The following ANK3 variants were observed in gnomAD, a reference collection of about 807,000 sequenced individuals.
The protein encoded by ANK3 is ankyrin-3.
A neutral mutation model predicts 370.9 loss-of-function variants in ANK3; 57 were observed. That is an observed-to-expected ratio of 0.15 (90% confidence interval 0.12 to 0.19). The LOEUF is 0.19. ANK3 is among the 10% of genes least tolerant of loss of function. ANK3 has a pLI of 1.00. For missense variants in ANK3, 4,439 were observed against 5,302.1 expected (o/e 0.84, Z 5.06); for synonymous variants, 1,929 against 1,946.3 (o/e 0.99, Z 0.23).
In ANK3 at chr10:60,621,108, T is replaced by C. The variant is rs575188439; in HGVS notation, c.58-5884A>G. Among the ~76,000 whole-genome samples, 9 of 152,288 alleles carry C rather than the reference T, an allele frequency of 5.9e-5. No homozygotes were observed. In the South Asian group the frequency reaches 1.9e-3, roughly 32 times the overall value. Reference sequence around the variant, plus strand: ...TCTGCTCTACTGAAATAACACTGGTTAAATTAGAGAAAAGCAATTCGGTCA... The same window carrying C: ...TCTGCTCTACTGAAATAACACTGGTCAAATTAGAGAAAAGCAATTCGGTCA... On this transcript the variant is annotated intron_variant, in intron 1 of 43. Transcript: ENST00000373827.
intron 2 of ANK3, among the ~76,000 whole-genome samples, chr10:60,568,821 T>C (rs969125657): frequency 2.6e-5 from 4 of 151,978 alleles, no homozygotes; most frequent in Non-Finnish European, 5.9e-5. Flanking sequence ...AAGGATGAGG[T>C]CCTAATATGA....
chr10:60,718,439 G>A (rs975262), intron 1 of ANK3, among the ~76,000 whole-genome samples: 44,802 of 151,886 alleles, frequency 0.29, 7,129 homozygotes, highest in South Asian at 0.48. Flanking sequence ...ATTTGAAATG[G>A]GAGGAGTCAA....
At chr10:60,037,397 A>T (rs1346636963) in intron 43 of ANK3, among the ~76,000 whole-genome samples, 1 of 152,070 alleles carries the variant, frequency 6.6e-6, no homozygotes, top group Non-Finnish European at 1.5e-5. Context: ...TTATTTTGCC[A>T]CCCAGGTACT....
chr10:60,375,019 A>G (rs1326148864), intron 1 of ANK3, among the ~76,000 whole-genome samples: 2 of 152,194 alleles, frequency 1.3e-5, no homozygotes, highest in Non-Finnish European at 2.9e-5. Flanking sequence ...AAGGGAGGAA[A>G]GAAGAAGTGA....
Position 60,410,953 on chromosome 10 carries a change from C to T in ANK3, c.97-131314G>A, listed in dbSNP as rs150968846. ...CTTCCCAAAGTGCTGGAATTACAGG[C>T]GTAAGCCACTGTACCTGGCCTCTCC... On this transcript the variant is annotated intron_variant, in intron 2 of 43. Transcript: ENST00000373827. 3.9e-3 allele frequency among the ~76,000 whole-genome samples: 594 copies of T among 152,176 alleles called. 7 individuals carry two copies. Among genetic ancestry groups the T allele is most frequent in the African/African-American group, 0.013 (547 of 41,512 alleles).
intron 1 of ANK3, among the ~76,000 whole-genome samples, chr10:60,368,847 T>C (rs1244663677): frequency 6.6e-6 from 1 of 152,194 alleles, no homozygotes; most frequent in Non-Finnish European, 1.5e-5. Context: ...CTTTTTGACA[T>C]GTCAGTCTGA....
chr10:60,132,478 C>G (rs1180078287), intron 25 of ANK3, among the ~76,000 whole-genome samples: 1 of 152,130 alleles, frequency 6.6e-6, no homozygotes, highest in Non-Finnish European at 1.5e-5. Context: ...TAAGATGTCT[C>G]TTTCTCTTCC....
At chr10:60,399,992 A>G (rs1320469021) in intron 2 of ANK3, among the ~76,000 whole-genome samples, 1 of 150,736 alleles carries the variant, frequency 6.6e-6, no homozygotes, top group East Asian at 2.0e-4. Context: ...CAAAATATAA[A>G]TCAAAACCTC....
Position 60,121,521 on chromosome 10 carries a change from A to G in ANK3, c.2842-7190T>C, listed in dbSNP as rs142410332. On this transcript the variant is annotated intron_variant, in intron 25 of 43. Transcript: ENST00000280772. ...AGCCTGGGCAACATGGCAAAATTCC[A>G]TCTCTATAAAAATTGCAAAAAAGAG... Among the ~76,000 whole-genome samples, 12 of 152,016 alleles carry G rather than the reference A, an allele frequency of 7.9e-5. No individual in the cohort carries two copies. In the East Asian group the frequency reaches 2.3e-3, roughly 29 times the overall value.
At chr10:60,082,326 A>G in intron 34 of ANK3, 150 bp from the exon 35 acceptor site, 1 of 804,936 alleles carries the variant, frequency 1.2e-6, no homozygotes, top group South Asian at 1.9e-5. Flanking sequence ...CCAACAAAAA[A>G]TATCAAGAAC....
At chr10:60,388,593 T>C (rs897604083) in intron 1 of ANK3, among the ~76,000 whole-genome samples, 1 of 152,126 alleles carries the variant, frequency 6.6e-6, no homozygotes, top group Admixed American at 6.5e-5. Flanking sequence ...CTAGGAGTCA[T>C]ATTTAAGGGC....
At chr10:60,643,197 G>A (rs142028598) in intron 1 of ANK3, among the ~76,000 whole-genome samples, 94 of 152,222 alleles carry the variant, frequency 6.2e-4, no homozygotes, top group Middle Eastern at 3.4e-3. Context: ...TGAGGGTGTT[G>A]CCAAAGGAGA....
chr10:60,139,568 G>C (rs1263384303), intron 23 of ANK3: 1 of 153,940 alleles, frequency 6.5e-6, no homozygotes, highest in Non-Finnish European at 1.4e-5. Flanking sequence ...TTTCAGTTTG[G>C]GGCTTAAGTA....
At chr10:60,081,932 C>T in intron 35 of ANK3, 2 of 403,886 alleles carry the variant, frequency 5.0e-6, no homozygotes, top group Non-Finnish European at 8.8e-6. Flanking sequence ...TCTGAATCAT[C>T]AGCTGAATTA....
At chr10:60,539,830 C>T (rs2076806757) in intron 2 of ANK3, among the ~76,000 whole-genome samples, 1 of 151,888 alleles carries the variant, frequency 6.6e-6, no homozygotes, top group African/African-American at 2.4e-5. Context: ...AAATCAAGCC[C>T]TATTTCAGGC....
chr10:60,130,473 C>T (rs1365313753), intron 25 of ANK3, among the ~76,000 whole-genome samples: 2 of 152,164 alleles, frequency 1.3e-5, no homozygotes, highest in Non-Finnish European at 2.9e-5. Flanking sequence ...TTTAACTGGG[C>T]AATGACAGTG....
intron 23 of ANK3, chr10:60,146,037 A>T: frequency 6.7e-7 from 1 of 1,488,220 alleles, no homozygotes; most frequent in Non-Finnish European, 9.1e-7. Context: ...CAAAAAATGA[A>T]TAAAATTAAC....
chr10:60,586,615 C>G (rs1185885034), intron 2 of ANK3, among the ~76,000 whole-genome samples: 1 of 152,130 alleles, frequency 6.6e-6, no homozygotes, highest in African/African-American at 2.4e-5. Context: ...GACATCCAAC[C>G]AAGATGTGTG....
intron 43 of ANK3, among the ~76,000 whole-genome samples, chr10:60,031,857 A>G (rs1202872972): frequency 6.6e-6 from 1 of 152,144 alleles, no homozygotes; most frequent in Non-Finnish European, 1.5e-5. Flanking sequence ...GCCCCAGGTC[A>G]CTAATGCTTG....
Sources: gnomAD v4.1 joint callset for allele counts (sites outside exome capture counted in the v4.1 genomes callset) on GRCh38, gnomAD v4.1.1 for gene constraint, MANE v1.5 for transcripts, NCBI Gene and HGNC (gene_info 2026-07-23, HGNC 2026-07-21) for gene names.